The following PGBD5 variants were observed in gnomAD, a reference collection of about 807,000 sequenced individuals.
PGBD5 encodes the protein piggyBac transposable element-derived protein 5.
A neutral mutation model predicts 47.9 loss-of-function variants in PGBD5; 14 were observed. The observed-to-expected ratio is 0.29, with a 90% CI of 0.19 to 0.46. PGBD5 has a LOEUF of 0.46. PGBD5 is among the 20% of genes least tolerant of loss of function. The probability of loss-of-function intolerance (pLI) is 1.00; values close to 1 mark genes in which losing one functional copy is unlikely to be tolerated. For synonymous variants in PGBD5, 316 were observed against 306.3 expected, an observed-to-expected ratio of 1.03 and a Z score of -0.33; for missense variants, 635 against 716.0, an observed-to-expected ratio of 0.89 and a Z score of 1.29.
intron 1 of PGBD5, among the ~76,000 whole-genome samples, chr1:230,419,170 A>G (rs1397469306): frequency 2.7e-5 from 4 of 148,508 alleles, no homozygotes; most frequent in East Asian, 2.1e-4. Flanking sequence ...GTGCCCATCA[A>G]TGGTGGACTG....
chr1:230,324,962 C>T (rs1374874704), intron 6 of PGBD5, among the ~76,000 whole-genome samples: 3 of 152,122 alleles, frequency 2.0e-5, no homozygotes, highest in Non-Finnish European at 4.4e-5. Flanking sequence ...GACAGCAATT[C>T]AGAATAGAGG....
Position 230,400,893 on chromosome 1 carries a change from G to C in PGBD5, c.331+24705C>G, listed in dbSNP as rs148866253. ...ATTCAATGTTCACAACTGCCTTGCAGTAAGTCAGGTTGAAGTTTCTCTACT... is the reference window on the plus strand; with the variant it reads ...ATTCAATGTTCACAACTGCCTTGCACTAAGTCAGGTTGAAGTTTCTCTACT... On this transcript the variant is annotated intron_variant, in intron 1 of 6. Coordinates refer to ENST00000391860, the MANE Select transcript of PGBD5 (RefSeq NM_001258311.2). 7.9e-5 allele frequency among the ~76,000 whole-genome samples: 12 copies of C among 152,344 alleles called. No individual in the cohort carries two copies. In the East Asian group the frequency reaches 2.1e-3, roughly 27 times the overall value.
intron 2 of PGBD5, among the ~76,000 whole-genome samples, chr1:230,351,989 T>TTTA (rs1667566590): frequency 6.6e-6 from 1 of 152,318 alleles, no homozygotes; most frequent in Admixed American, 6.5e-5. Context: ...CGTGCTACAC[T>TTTA]TCCCTCCCTG....
At chr1:230,333,087 A>T in intron 4 of PGBD5, 46 bp from the exon 5 acceptor site, 1 of 1,541,570 alleles carries the variant, frequency 6.5e-7, no homozygotes, top group Non-Finnish European at 8.8e-7. Context: ...ACCATCGGAG[A>T]TGCCGGCGGC....
intron 1 of PGBD5, among the ~76,000 whole-genome samples, chr1:230,388,667 G>A (rs1010966022): frequency 2.6e-5 from 4 of 152,020 alleles, no homozygotes; most frequent in Non-Finnish European, 4.4e-5. Context: ...CACCTGACTC[G>A]GCCTCCCAAA....
intron 3 of PGBD5, among the ~76,000 whole-genome samples, chr1:230,338,501 G>A (rs1667361693): frequency 6.6e-6 from 1 of 152,184 alleles, no homozygotes; most frequent in South Asian, 2.1e-4. Flanking sequence ...CTTCCATTGT[G>A]AAAGCCGGCA....
chr1:230,401,916 G>A (rs974896309), intron 1 of PGBD5, among the ~76,000 whole-genome samples: 2 of 152,180 alleles, frequency 1.3e-5, no homozygotes, highest in Non-Finnish European at 2.9e-5. Context: ...CAAGGCTGCT[G>A]GCCTTTGAGA....
At chr1:230,338,377 C>T (rs1667359129) in intron 3 of PGBD5, among the ~76,000 whole-genome samples, 3 of 152,218 alleles carry the variant, frequency 2.0e-5, no homozygotes, top group Non-Finnish European at 4.4e-5. Context: ...TTGGGATCTG[C>T]ATTCCCGTTG....
intron 1 of PGBD5, among the ~76,000 whole-genome samples, chr1:230,381,875 C>T (rs1656507301): frequency 6.6e-6 from 1 of 152,112 alleles, no homozygotes; most frequent in Admixed American, 6.5e-5. Flanking sequence ...GGCTACAGTA[C>T]CCACTCCTGT....
chr1:230,373,827 G>A (rs1013811668), intron 1 of PGBD5, among the ~76,000 whole-genome samples: 13 of 151,954 alleles, frequency 8.6e-5, no homozygotes, highest in Non-Finnish European at 1.8e-4. Context: ...CTTAGTTGCC[G>A]GAACTACAGA....
At chr1:230,358,144 C>T (rs1026799308) in intron 1 of PGBD5, among the ~76,000 whole-genome samples, 25 of 152,080 alleles carry the variant, frequency 1.6e-4, no homozygotes, top group East Asian at 3.8e-4. Context: ...AGTGCACAGC[C>T]CCTCCTGTCT....
At chr1:230,409,053 T>C (rs1657360122) in intron 1 of PGBD5, among the ~76,000 whole-genome samples, 1 of 152,222 alleles carries the variant, frequency 6.6e-6, no homozygotes. Context: ...CAAAAGACTT[T>C]GATAGACAGT....
At chr1:230,383,195 G>A (rs1304334010) in intron 1 of PGBD5, among the ~76,000 whole-genome samples, 2 of 151,688 alleles carry the variant, frequency 1.3e-5, no homozygotes, top group African/African-American at 2.4e-5. Flanking sequence ...TCAGCCTCCA[G>A]AGTAGCTGGG....
At chr1:230,406,743 G>A (rs1352195583) in intron 1 of PGBD5, among the ~76,000 whole-genome samples, 1 of 152,080 alleles carries the variant, frequency 6.6e-6, no homozygotes, top group African/African-American at 2.4e-5. Context: ...ATTCCTATTT[G>A]CAAATTCTTC....
intron 2 of PGBD5, among the ~76,000 whole-genome samples, chr1:230,355,262 C>T (rs1241523861): frequency 6.6e-5 from 10 of 152,210 alleles, no homozygotes; most frequent in African/African-American, 2.4e-4. Flanking sequence ...CCTCAGGACA[C>T]CTGTACCTGG....
chr1:230,336,525 C>A (rs1423947143), intron 4 of PGBD5, among the ~76,000 whole-genome samples: 1 of 152,226 alleles, frequency 6.6e-6, no homozygotes, highest in Non-Finnish European at 1.5e-5. Context: ...AAGGCCAGGG[C>A]AGCTTGCCAC....
At position 230,316,098 on chromosome 1, in the gene PGBD5, GTT is replaced by G. The variant is rs1290459209; in HGVS notation, c.*7325_*7326del. On this transcript the variant is annotated 3_prime_UTR_variant, in exon 7 of 7. Coordinates refer to ENST00000391860, the MANE Select transcript of PGBD5 (RefSeq NM_001258311.2). The stretch of plus-strand genomic sequence containing the variant: ...CATGTTTATGTGTATACATACATAT[GTT>G]TATGTGTACACATATATCTATGTGT... 8 of 149,268 alleles carry G rather than the reference GTT, an allele frequency of 5.4e-5. No individual in the cohort carries two copies. The highest frequency in any genetic ancestry group is 2.0e-4 in the Admixed American group (3 of 15,096). The allele number at this position is 149,268 out of a possible 1,614,324, so 9.2% of individuals were successfully genotyped here. A position where few individuals can be genotyped will look rare whatever the true frequency, so the allele number is the denominator to read the frequency against.
chr1:230,332,089 C>T (rs1667229702), intron 5 of PGBD5, among the ~76,000 whole-genome samples: 1 of 2,142 alleles, frequency 4.7e-4, no homozygotes, highest in African/African-American at 1.7e-3. Context: ...CACACACGTA[C>T]ATGTGAGAGC....
chr1:230,399,002 C>T (rs1341117491), intron 1 of PGBD5, among the ~76,000 whole-genome samples: 1 of 151,844 alleles, frequency 6.6e-6, no homozygotes, highest in African/African-American at 2.4e-5. Flanking sequence ...CTTTTCCCCA[C>T]AAAATTCAAT....
Sources: allele counts gnomAD v4.1 joint callset (sites outside exome capture counted in the v4.1 genomes callset), GRCh38; gene constraint gnomAD v4.1.1; transcripts MANE v1.5; gene names NCBI Gene and HGNC (gene_info 2026-07-23, HGNC 2026-07-21).